TNS3: variants seen among roughly 807,000 people sequenced by gnomAD.
TNS3 encodes the protein tensin 3, also known as tensin-3.
Under a neutral mutation model 140.9 loss-of-function variants are expected in TNS3, and 45 were observed. The ratio of observed to expected loss-of-function variants is 0.32; its 90% CI spans 0.25 to 0.41. The LOEUF (loss-of-function observed/expected upper bound fraction) is 0.41. Ranked by LOEUF, TNS3 falls within the 10% of genes least tolerant of loss-of-function variation. The pLI is 1.00. For synonymous variants in TNS3, 815 were observed against 788.4 expected (o/e 1.03, Z -0.56); for missense variants, 1,716 against 1,906.7 (o/e 0.90, Z 1.86).
At chr7:47,436,014 G>A (rs747647382) in intron 7 of TNS3, among the ~76,000 whole-genome samples, 5 of 152,164 alleles carry the variant, frequency 3.3e-5, no homozygotes, top group African/African-American at 1.2e-4. Flanking sequence ...GTGGCCACAC[G>A]GGGGTGTTGC....
intron 4 of TNS3, among the ~76,000 whole-genome samples, chr7:47,456,138 T>C (rs374038555): frequency 6.6e-6 from 1 of 152,158 alleles, no homozygotes; most frequent in Admixed American, 6.6e-5. Context: ...AGGGGAACAC[T>C]GGGCAGTGGA....
chr7:47,383,936 G>C (rs557831223), intron 16 of TNS3, among the ~76,000 whole-genome samples: 8 of 152,140 alleles, frequency 5.3e-5, no homozygotes, highest in African/African-American at 1.7e-4. Flanking sequence ...AAAGTGACAC[G>C]CAGGGCCTCC....
chr7:47,364,196 T>C (rs947110238), intron 17 of TNS3, among the ~76,000 whole-genome samples: 1 of 152,186 alleles, frequency 6.6e-6, no homozygotes, highest in African/African-American at 2.4e-5. Flanking sequence ...GTTCCAGTGT[T>C]TTCTATACCT....
chr7:47,400,828 G>A lies in TNS3; in HGVS notation c.810C>T (p.Tyr270=), dbSNP rs1305600318. 16 of 1,614,098 alleles carry A rather than the reference G, an allele frequency of 9.9e-6. No homozygotes were observed. Among genetic ancestry groups the A allele is most frequent in the Middle Eastern group, 1.6e-4 (1 of 6,084 alleles). The change falls in exon 14 of 31, where the codon TAC becomes TAT. Residue 270 remains tyrosine (Y), a synonymous_variant. Coordinates refer to ENST00000311160, the MANE Select transcript of TNS3 (RefSeq NM_022748.12). ...GATCCTCCTTCCCAAACACCAGCCC[G>A]TAGCCCTGCACAGCCCCAGTGTGAA... ...LQFHTGAVQG[Y]GLVFGKEDLD...
At chr7:47,477,547 C>CTGAGCT (rs1207743452) in intron 4 of TNS3, among the ~76,000 whole-genome samples, 3 of 152,128 alleles carry the variant, frequency 2.0e-5, no homozygotes, top group Admixed American at 2.0e-4. Flanking sequence ...CTTCAGTTTT[C>CTGAGCT]TGAGCTCCAG....
intron 1 of TNS3, among the ~76,000 whole-genome samples, chr7:47,581,056 T>C (rs891430620): frequency 1.3e-5 from 2 of 152,084 alleles, no homozygotes; most frequent in African/African-American, 4.8e-5. Context: ...GATGGCGCTT[T>C]GAGTTTTTCA....
chr7:47,368,562 A>T lies in TNS3; in HGVS notation c.2084T>A (p.Ile695Asn). The T allele has an allele frequency of 6.4e-7, 1 of 1,571,502 alleles. No homozygotes were observed. The highest frequency in any genetic ancestry group is 8.7e-7 in the Non-Finnish European group (1 of 1,154,646). Residue 695 changes from isoleucine to asparagine, a missense_variant, in exon 17 of 31, where the codon ATC (isoleucine) becomes AAC (asparagine). Physicochemically the swap from Ile to Asn is moderately radical, Grantham distance 149. This residue lies in a region of TNS3 where 1,163 missense variants were observed against 1,182.1 expected (regional missense o/e 0.98). Transcript: ENST00000311160. ...GPSPGSPTLD[I>N]DQSIEQLNRL... Reference sequence around the variant, plus strand: ...GTTGAGCTGCTCGATGGACTGGTCGATGTCCAGGGTGGGCGAGCCTGGGGA... The same window carrying T: ...GTTGAGCTGCTCGATGGACTGGTCGTTGTCCAGGGTGGGCGAGCCTGGGGA...
At chr7:47,414,093 G>A (rs1183336617) in intron 11 of TNS3, 96 bp from the exon 12 acceptor site, 28 of 1,311,626 alleles carry the variant, frequency 2.1e-5, no homozygotes, top group Non-Finnish European at 3.1e-5. Context: ...AGGAGACCAG[G>A]AGACTGCACC....
intron 27 of TNS3, among the ~76,000 whole-genome samples, chr7:47,286,042 G>A (rs1026952284): frequency 3.9e-5 from 6 of 152,160 alleles, no homozygotes; most frequent in Non-Finnish European, 7.3e-5. Context: ...CAGACTTCAC[G>A]AGAGGGACAG....
chr7:47,317,363 T>G lies in TNS3; in HGVS notation c.2651-12360A>C, dbSNP rs1437162137. Among the ~76,000 whole-genome samples, 11 of 152,240 alleles carry G rather than the reference T, an allele frequency of 7.2e-5. No individual in the cohort carries two copies. The East Asian group carries it at 2.1e-3, about 29-fold the overall frequency. On this transcript the variant is annotated intron_variant, in intron 20 of 30. Transcript: ENST00000311160. ...ATAACACAAAAGGAAGTAGAAAATG[T>G]AGATGCAATAGTTCATTACAGTTGG... is the stretch of plus-strand genomic sequence containing the variant.
chr7:47,296,325 A>T (rs1786021310), intron 24 of TNS3, among the ~76,000 whole-genome samples: 1 of 152,230 alleles, frequency 6.6e-6, no homozygotes, highest in East Asian at 1.9e-4. Context: ...GTGAGGTTGT[A>T]GAGAAAAAGG....
intron 4 of TNS3, among the ~76,000 whole-genome samples, chr7:47,453,858 G>C (rs1017634059): frequency 6.6e-6 from 1 of 152,196 alleles, no homozygotes; most frequent in Non-Finnish European, 1.5e-5. Flanking sequence ...TGGCCAGCCC[G>C]GGCCACATCG....
intron 20 of TNS3, among the ~76,000 whole-genome samples, chr7:47,332,671 T>C (rs896084046): frequency 3.2e-4 from 49 of 152,382 alleles, no homozygotes; most frequent in African/African-American, 1.2e-3. Context: ...AGACAAATTT[T>C]TGTTACACTA....
At chr7:47,541,665 G>A (rs1354255668) in intron 1 of TNS3, among the ~76,000 whole-genome samples, 2 of 152,160 alleles carry the variant, frequency 1.3e-5, no homozygotes, top group Non-Finnish European at 2.9e-5. Context: ...GCAAATGACC[G>A]AGGCCGGGCG....
intron 8 of TNS3, among the ~76,000 whole-genome samples, chr7:47,432,321 T>C (rs1794965385): frequency 6.6e-6 from 1 of 152,160 alleles, no homozygotes; most frequent in Admixed American, 6.5e-5. Context: ...AAGAGAGACC[T>C]GAGCTAGCAC....
intron 3 of TNS3, among the ~76,000 whole-genome samples, chr7:47,503,067 A>G (rs1446727676): frequency 1.3e-5 from 2 of 152,176 alleles, no homozygotes; most frequent in Admixed American, 6.5e-5. Flanking sequence ...CATCTCCCCA[A>G]CATTACTCCT....
intron 27 of TNS3, 80 bp downstream of exon 27, chr7:47,291,875 G>A: frequency 6.9e-7 from 1 of 1,448,278 alleles, no homozygotes; most frequent in Non-Finnish European, 9.6e-7. Context: ...CCTGAATACT[G>A]AAGTGCAAAA....
intron 1 of TNS3, among the ~76,000 whole-genome samples, chr7:47,547,352 C>T (rs1201263271): frequency 2.0e-5 from 3 of 152,028 alleles, no homozygotes; most frequent in African/African-American, 4.8e-5. Context: ...GTGGGTGGGA[C>T]GTGAAGGAGT....
chr7:47,486,919 T>A (rs1353230418), intron 3 of TNS3, among the ~76,000 whole-genome samples: 5 of 152,200 alleles, frequency 3.3e-5, no homozygotes, highest in African/African-American at 1.2e-4. Context: ...TAAATTTCAA[T>A]TCTATCTTTT....
Sources: allele counts gnomAD v4.1 joint callset (sites outside exome capture counted in the v4.1 genomes callset), GRCh38; gene constraint gnomAD v4.1.1; regional missense constraint gnomAD v4.1.1; transcripts MANE v1.5; gene names NCBI Gene and HGNC (gene_info 2026-07-23, HGNC 2026-07-21).